The following PDE3A variants were observed in gnomAD, a reference collection of about 807,000 sequenced individuals.
PDE3A encodes phosphodiesterase 3A.
A neutral mutation model predicts 98.3 loss-of-function variants in PDE3A; 43 were observed. The ratio of observed to expected loss-of-function variants is 0.44; its 90% confidence interval spans 0.34 to 0.56. The LOEUF (loss-of-function observed/expected upper bound fraction) is 0.56. PDE3A is among the 20% of genes least tolerant of loss of function. PDE3A has a pLI of 0.01. For missense variants in PDE3A, 1,427 were observed against 1,440.7 expected, an observed-to-expected ratio of 0.99 and a Z score of 0.15; for synonymous variants, 663 against 567.9, an observed-to-expected ratio of 1.17 and a Z score of -2.38.
intron 1 of PDE3A, among the ~76,000 whole-genome samples, chr12:20,473,796 G>A (rs769616006): frequency 2.6e-5 from 4 of 151,912 alleles, no homozygotes; most frequent in Admixed American, 6.6e-5. Context: ...ATTCAACCGT[G>A]TTGATATGTA....
chr12:20,666,656 C>T (rs1397447626), intron 15 of PDE3A, among the ~76,000 whole-genome samples: 3 of 152,162 alleles, frequency 2.0e-5, no homozygotes, highest in Admixed American at 6.5e-5. Context: ...ATGTATACCA[C>T]ATTTTCTTTA....
At chr12:20,487,265 A>T (rs567388629) in intron 1 of PDE3A, among the ~76,000 whole-genome samples, 1 of 152,208 alleles carries the variant, frequency 6.6e-6, no homozygotes, top group South Asian at 2.1e-4. Flanking sequence ...CATTTAACTG[A>T]TTGATTAATG....
chr12:20,501,390 G>A (rs1215219322), intron 1 of PDE3A, among the ~76,000 whole-genome samples: 1 of 152,136 alleles, frequency 6.6e-6, no homozygotes, highest in African/African-American at 2.4e-5. Flanking sequence ...AAACTGCTAA[G>A]TGAACACATT....
At chr12:20,591,815 G>C (rs1943345478) in intron 2 of PDE3A, among the ~76,000 whole-genome samples, 1 of 152,152 alleles carries the variant, frequency 6.6e-6, no homozygotes, top group African/African-American at 2.4e-5. Context: ...CTTGAGAACT[G>C]TCATAGCCAA....
intron 1 of PDE3A, among the ~76,000 whole-genome samples, chr12:20,459,642 T>C (rs534347858): frequency 2.6e-5 from 4 of 152,194 alleles, no homozygotes; most frequent in South Asian, 2.1e-4. Context: ...TTCATACATA[T>C]ACATTCAAAG....
In PDE3A at chr12:20,556,707, A is replaced by G. The variant is rs775544306; in HGVS notation, c.1008A>G (p.Ser336=). 2 of 1,607,394 alleles carry G rather than the reference A, an allele frequency of 1.2e-6. No homozygotes were observed. Among genetic ancestry groups the G allele is most frequent in the South Asian group, 1.1e-5 (1 of 90,766 alleles). ...ACCACAAACGAGGGCCAAGAGGATC[A>G]CAGGTAAGTTTCTTTTCCTTTTCTT... ...EWDHKRGPRG[S]QSSGTSITVD... The change falls in exon 2 of 16, where the codon TCA becomes TCG. Residue 336 remains serine, a synonymous_variant. Transcript: ENST00000359062.
At chr12:20,413,926 C>T (rs1169673955) in intron 1 of PDE3A, among the ~76,000 whole-genome samples, 1 of 152,050 alleles carries the variant, frequency 6.6e-6, no homozygotes, top group Non-Finnish European at 1.5e-5. Flanking sequence ...TAGTTTTAAA[C>T]TCATGTGCTG....
chr12:20,433,063 A>G (rs1488668786), intron 1 of PDE3A, among the ~76,000 whole-genome samples: 1 of 152,166 alleles, frequency 6.6e-6, no homozygotes, highest in Non-Finnish European at 1.5e-5. Context: ...TCTGAACCTC[A>G]TATTCAACTA....
At chr12:20,630,257 T>G in intron 6 of PDE3A, 130 bp downstream of exon 6, 1 of 654,128 alleles carries the variant, frequency 1.5e-6, no homozygotes. Flanking sequence ...TATAGGATAA[T>G]GTGATTTGTG....
chr12:20,397,060 T>C (rs1384250261), intron 1 of PDE3A, among the ~76,000 whole-genome samples: 1 of 152,092 alleles, frequency 6.6e-6, no homozygotes, highest in Admixed American at 6.6e-5. Context: ...GGGGATTGAC[T>C]GAGATTATAA....
At chr12:20,488,818 C>A (rs921729804) in intron 1 of PDE3A, among the ~76,000 whole-genome samples, 1 of 150,580 alleles carries the variant, frequency 6.6e-6, no homozygotes, top group Non-Finnish European at 1.5e-5. Flanking sequence ...GAGGTTGAGG[C>A]TGCCGTGAGC....
intron 1 of PDE3A, among the ~76,000 whole-genome samples, chr12:20,463,576 C>T (rs1945289666): frequency 6.6e-6 from 1 of 151,976 alleles, no homozygotes; most frequent in South Asian, 2.1e-4. Flanking sequence ...TATTATTTTG[C>T]TTATATCATA....
intron 8 of PDE3A, 148 bp from the exon 9 acceptor site, chr12:20,636,952 A>G: frequency 1.9e-6 from 1 of 523,308 alleles, no homozygotes. Flanking sequence ...GTTCATGTTG[A>G]CTTTTTTAAG....
chr12:20,453,741 TC>T (rs1396694767), intron 1 of PDE3A, among the ~76,000 whole-genome samples: 3 of 152,198 alleles, frequency 2.0e-5, no homozygotes, highest in Admixed American at 6.5e-5. Context: ...TTCCAGTTGC[TC>T]CGAGTCTCCC....
At chr12:20,375,426 A>C (rs1456823850) in intron 1 of PDE3A, among the ~76,000 whole-genome samples, 3 of 151,950 alleles carry the variant, frequency 2.0e-5, no homozygotes, top group Admixed American at 2.0e-4. Context: ...GCTGTTATTG[A>C]TATAAAATAT....
rs989498474 is a variant in PDE3A at position 20,684,535 on chromosome 12, T to G, written c.*4264T>G. ...TTCCAGATAATTGAAAGCTAAAATA[T>G]CTATGTACTTTGAAGCCAAACTGAG... On this transcript the variant is annotated 3_prime_UTR_variant, in exon 16 of 16. Coordinates refer to ENST00000359062, the MANE Select transcript of PDE3A (RefSeq NM_000921.5). Among the ~76,000 whole-genome samples the G allele has an allele frequency of 6.6e-6, 1 of 152,190 alleles. No homozygotes were observed. Among genetic ancestry groups the G allele is most frequent in the African/African-American group, 2.4e-5 (1 of 41,450 alleles).
In PDE3A at chr12:20,680,826, CTGTGTG is replaced by C. The variant is rs3059415; in HGVS notation, c.*594_*599del. 4,171 of 137,996 alleles carry C rather than the reference CTGTGTG, an allele frequency of 0.03. 55 individuals are homozygous for C. Among genetic ancestry groups the C allele is most frequent in the Middle Eastern group, 0.043 (12 of 280 alleles). 8.5% of individuals were successfully genotyped at this position (137,996 alleles called of 1,614,324 possible). On this transcript the variant is annotated 3_prime_UTR_variant, in exon 16 of 16. Coordinates refer to ENST00000359062, the MANE Select transcript of PDE3A (RefSeq NM_000921.5). ...TGAATTCTGATACATCCTGCCAACA[CTGTGTG>C]TGTGTGTGTGTGTGTGTGTGTGTGT...
Position 20,400,718 on chromosome 12 carries a change from A to C in PDE3A, c.960+30474A>C, listed in dbSNP as rs1326449535. Among the ~76,000 whole-genome samples, 6 of 152,282 alleles carry C rather than the reference A, an allele frequency of 3.9e-5. No individual in the cohort carries two copies. In the South Asian group the frequency reaches 6.2e-4, roughly 16 times the overall value. On this transcript the variant is annotated intron_variant, in intron 1 of 15. Coordinates refer to ENST00000359062, the MANE Select transcript of PDE3A (RefSeq NM_000921.5). ...TAGGCGTGAGCCACTGCGCCCGGTC[A>C]ACATTGTTAATATTTTAATACACAT...
At chr12:20,605,448 T>A (rs1592103189) in intron 2 of PDE3A, among the ~76,000 whole-genome samples, 2 of 152,332 alleles carry the variant, frequency 1.3e-5, no homozygotes, top group East Asian at 3.9e-4. Context: ...TTTTTTTAAA[T>A]GTAAAATGCT....
Sources: allele counts gnomAD v4.1 joint callset (sites outside exome capture counted in the v4.1 genomes callset), GRCh38; gene constraint gnomAD v4.1.1; transcripts MANE v1.5; gene names NCBI Gene and HGNC (gene_info 2026-07-23, HGNC 2026-07-21).